The following MYO3A variants were observed in gnomAD, a reference collection of about 807,000 sequenced individuals.
MYO3A encodes myosin IIIA.
Under a neutral mutation model 192.7 loss-of-function variants are expected in MYO3A, and 180 were observed. The ratio of observed to expected loss-of-function variants is 0.93; its 90% CI spans 0.83 to 1.06. The LOEUF (loss-of-function observed/expected upper bound fraction) is 1.06, where lower values mean the gene tolerates loss of function less well. Ranked by LOEUF, MYO3A falls within the 50% of genes least tolerant of loss-of-function variation. The pLI is 0.00. For synonymous variants in MYO3A, 628 were observed against 645.3 expected (o/e 0.97, Z 0.41); for missense variants, 1,896 against 1,905.0 (o/e 1.00, Z 0.09).
rs538369933 is a variant in MYO3A at position 26,175,117 on chromosome 10, C to G, written c.4293+560C>G. On this transcript the variant is annotated intron_variant, in intron 30 of 34. Transcript: ENST00000642920. ...GTTCCCTCCTGGAGAATATCTCATGCCAATCATAGGTGTGTTTCAGCTGTT... is the reference window on the plus strand; with the variant it reads ...GTTCCCTCCTGGAGAATATCTCATGGCAATCATAGGTGTGTTTCAGCTGTT... Among the ~76,000 whole-genome samples the G allele has an allele frequency of 2.0e-5, 3 of 152,248 alleles. No homozygotes were observed. In the East Asian group the frequency reaches 5.8e-4, roughly 29 times the overall value.
intron 33 of MYO3A, 65 bp from the exon 34 acceptor site, chr10:26,202,899 C>T (rs1430877132): frequency 5.1e-6 from 8 of 1,557,754 alleles, no homozygotes. Flanking sequence ...AAAAAAGTAT[C>T]CTGTAAGTTT....
At position 26,168,183 on chromosome 10, in the gene MYO3A, C is replaced by T. The variant is rs566515795; in HGVS notation, c.3112-529C>T. On this transcript the variant is annotated intron_variant, in intron 27 of 34. Transcript: ENST00000642920. ...CTTATTCTCTTCACTGACAACAATA[C>T]CAGCCCCAAAGGACAGTGACCTGCC... Among the ~76,000 whole-genome samples, 30 of 152,242 alleles carry T rather than the reference C, an allele frequency of 2.0e-4. No individual in the cohort carries two copies. The South Asian group carries it at 6.2e-3, about 32-fold the overall frequency.
intron 6 of MYO3A, among the ~76,000 whole-genome samples, chr10:26,001,974 G>A (rs1376497629): frequency 6.6e-6 from 1 of 152,174 alleles, no homozygotes; most frequent in Middle Eastern, 3.2e-3. Flanking sequence ...GTGGCAGAGT[G>A]AGACCCTTTC....
At chr10:26,141,779 T>TC (rs1257152364) in intron 20 of MYO3A, among the ~76,000 whole-genome samples, 1 of 152,228 alleles carries the variant, frequency 6.6e-6, no homozygotes, top group Non-Finnish European at 1.5e-5. Flanking sequence ...ATAAGCTAAA[T>TC]GCCTTTCAGG....
At chr10:26,096,303 C>G in intron 15 of MYO3A, 78 bp from the exon 16 acceptor site, 2 of 1,111,352 alleles carry the variant, frequency 1.8e-6, no homozygotes. Flanking sequence ...AGTCGTTGTT[C>G]AAATAATTAT....
Position 26,125,620 on chromosome 10 carries a change from T to A in MYO3A, c.2114+12T>A. The A allele has an allele frequency of 2.5e-6, 4 of 1,609,744 alleles. No individual in the cohort carries two copies. Among genetic ancestry groups the A allele is most frequent in the African/African-American group, 1.3e-5 (1 of 74,978 alleles). ...GACTCATCACCAAGGTAAAAATTTT[T>A]ACAGAAACATTTTTTTCCCAAATGT... On this transcript the variant is annotated intron_variant, in intron 19 of 34. Transcript: ENST00000642920.
intron 4 of MYO3A, among the ~76,000 whole-genome samples, chr10:25,980,537 A>G (rs185208438): frequency 1.2e-4 from 18 of 152,334 alleles, no homozygotes; most frequent in Admixed American, 7.8e-4. Context: ...AAATGTGTCA[A>G]TACCTCACTT....
intron 14 of MYO3A, among the ~76,000 whole-genome samples, chr10:26,078,044 A>G (rs1227300650): frequency 6.6e-5 from 10 of 150,932 alleles, no homozygotes; most frequent in Non-Finnish European, 1.2e-4. Flanking sequence ...TTCTTTCTCT[A>G]TCTTGTGGAA....
intron 31 of MYO3A, among the ~76,000 whole-genome samples, chr10:26,185,536 C>A (rs944248100): frequency 6.6e-6 from 1 of 151,718 alleles, no homozygotes; most frequent in Non-Finnish European, 1.5e-5. Context: ...GATGGAGTTT[C>A]ACCATGTTGG....
At position 26,111,627 on chromosome 10, in the gene MYO3A, A is replaced by G. The variant is rs971479154; in HGVS notation, c.1777-9049A>G. Among the ~76,000 whole-genome samples, 5 of 152,216 alleles carry G rather than the reference A, an allele frequency of 3.3e-5. No individual in the cohort carries two copies. The South Asian group carries it at 1.0e-3, about 31-fold the overall frequency. On this transcript the variant is annotated intron_variant, in intron 17 of 34. Transcript: ENST00000642920. Reference sequence around the variant, plus strand: ...CCTATGAAGACAAGCTGATTCAAGCAGTCAGTGTCCTGGCTCTTAAAGCAG... The same window carrying G: ...CCTATGAAGACAAGCTGATTCAAGCGGTCAGTGTCCTGGCTCTTAAAGCAG...
chr10:26,023,639 C>T (rs1434109365), intron 8 of MYO3A, among the ~76,000 whole-genome samples: 3 of 152,164 alleles, frequency 2.0e-5, no homozygotes, highest in Admixed American at 1.3e-4. Context: ...CAGGCCACTT[C>T]TGTGTTCCCT....
chr10:26,096,719 A>G (rs1322042691), intron 17 of MYO3A, 37 bp downstream of exon 17: 1 of 1,346,970 alleles, frequency 7.4e-7, no homozygotes, highest in Non-Finnish European at 1.1e-6. Context: ...TTTAGAAAGT[A>G]TCTTTTTATC....
At chr10:26,130,992 C>T (rs1839500208) in intron 20 of MYO3A, among the ~76,000 whole-genome samples, 1 of 152,118 alleles carries the variant, frequency 6.6e-6, no homozygotes. Flanking sequence ...ACTGAGAGCT[C>T]CTTAGTTTAA....
chr10:26,100,597 A>G (rs1837378128), intron 17 of MYO3A, among the ~76,000 whole-genome samples: 1 of 152,146 alleles, frequency 6.6e-6, no homozygotes, highest in Non-Finnish European at 1.5e-5. Flanking sequence ...AGATTCTGGT[A>G]TGTTGTGTCT....
chr10:26,160,214 A>C (rs1841413877), intron 26 of MYO3A, among the ~76,000 whole-genome samples: 1 of 152,226 alleles, frequency 6.6e-6, no homozygotes. Flanking sequence ...ACTGAATTTT[A>C]GAAGTGGCTT....
At chr10:26,164,006 G>GA (rs1342517416) in intron 26 of MYO3A, among the ~76,000 whole-genome samples, 1 of 152,138 alleles carries the variant, frequency 6.6e-6, no homozygotes, top group Non-Finnish European at 1.5e-5. Context: ...AAGTGCTGCA[G>GA]AAAAAACGCT....
chr10:25,942,921 T>C (rs7070437), intron 2 of MYO3A, among the ~76,000 whole-genome samples: 20,888 of 151,942 alleles, frequency 0.14, 1,776 homozygotes, highest in African/African-American at 0.22. Context: ...TTTTGTACAT[T>C]CCTTGATATC....
intron 10 of MYO3A, among the ~76,000 whole-genome samples, chr10:26,047,774 C>CAAAAAAAAAAAAAAAAAAAA (rs1423133061): frequency 6.6e-6 from 1 of 151,152 alleles, no homozygotes; most frequent in African/African-American, 2.5e-5. Flanking sequence ...GACTCCATCT[C>CAAAAAAAAAAAAAAAAAAAA]AATAAAAAAA....
intron 32 of MYO3A, among the ~76,000 whole-genome samples, chr10:26,197,010 A>T (rs893772145): frequency 6.6e-6 from 1 of 152,204 alleles, no homozygotes; most frequent in Admixed American, 6.5e-5. Flanking sequence ...TTGTAGCACT[A>T]TTCAAAATGT....
Sources: gnomAD v4.1 joint callset for allele counts (sites outside exome capture counted in the v4.1 genomes callset) on GRCh38, gnomAD v4.1.1 for gene constraint, MANE v1.5 for transcripts, NCBI Gene and HGNC (gene_info 2026-07-23, HGNC 2026-07-21) for gene names.